The following SLC24A3 variants were observed in gnomAD, a reference collection of about 807,000 sequenced individuals.
The protein encoded by SLC24A3 is sodium/potassium/calcium exchanger 3.
A neutral mutation model predicts 75.8 loss-of-function variants in SLC24A3; 28 were observed. That is an observed-to-expected ratio of 0.37 (90% CI 0.27 to 0.51). The LOEUF is 0.51. Among genes scored for constraint, SLC24A3 ranks in the 20% least tolerant of loss-of-function variants. The probability of loss-of-function intolerance (pLI) is 0.94; values close to 1 mark genes in which losing one functional copy is unlikely to be tolerated. For missense variants in SLC24A3, 663 were observed against 847.8 expected, an observed-to-expected ratio of 0.78 and a Z score of 2.71; for synonymous variants, 372 against 334.1, an observed-to-expected ratio of 1.11 and a Z score of -1.24.
chr20:19,286,777 A>G (rs1006268212), intron 2 of SLC24A3, among the ~76,000 whole-genome samples: 1 of 152,240 alleles, frequency 6.6e-6, no homozygotes, highest in African/African-American at 2.4e-5. Context: ...AGGTGAAATT[A>G]ATTTTAATAA....
At chr20:19,719,831 G>A (rs534612634) in intron 16 of SLC24A3, among the ~76,000 whole-genome samples, 1 of 152,292 alleles carries the variant, frequency 6.6e-6, no homozygotes, top group East Asian at 1.9e-4. Context: ...AGAGAGGCCA[G>A]GGAATCAGGG....
At chr20:19,453,117 T>A (rs1257340015) in intron 2 of SLC24A3, among the ~76,000 whole-genome samples, 1 of 151,838 alleles carries the variant, frequency 6.6e-6, no homozygotes, top group East Asian at 1.9e-4. Context: ...GAGGCAGAGG[T>A]TGCAGTGACC....
chr20:19,458,108 A>G (rs542200042), intron 2 of SLC24A3, among the ~76,000 whole-genome samples: 1 of 152,226 alleles, frequency 6.6e-6, no homozygotes, highest in Non-Finnish European at 1.5e-5. Flanking sequence ...GTAAGTTGGA[A>G]GTTCTGCTTG....
At chr20:19,313,028 CTTTTTTTTTTTTT>C (rs747623530) in intron 2 of SLC24A3, among the ~76,000 whole-genome samples, 4 of 68,322 alleles carry the variant, frequency 5.9e-5, no homozygotes, top group African/African-American at 2.3e-4. Flanking sequence ...TTTTCTCTTG[CTTTTTTTTTTTTT>C]TTTTTTTTTT....
intron 2 of SLC24A3, among the ~76,000 whole-genome samples, chr20:19,398,133 A>G (rs1241951577): frequency 6.6e-6 from 1 of 151,944 alleles, no homozygotes; most frequent in Admixed American, 6.6e-5. Context: ...TTGACTTATG[A>G]TTTTACTTGT....
intron 2 of SLC24A3, among the ~76,000 whole-genome samples, chr20:19,430,682 A>G (rs1987085704): frequency 6.6e-6 from 1 of 152,064 alleles, no homozygotes; most frequent in Admixed American, 6.5e-5. Flanking sequence ...ACACACATAC[A>G]CATTTGTATA....
At chr20:19,513,094 A>G (rs754217077) in intron 2 of SLC24A3, among the ~76,000 whole-genome samples, 3 of 152,124 alleles carry the variant, frequency 2.0e-5, no homozygotes, top group Non-Finnish European at 4.4e-5. Context: ...TGTGGCAGCT[A>G]CACTGAAAAA....
chr20:19,297,149 C>T (rs1600417013), intron 2 of SLC24A3, among the ~76,000 whole-genome samples: 2 of 152,346 alleles, frequency 1.3e-5, no homozygotes, highest in Admixed American at 1.3e-4. Context: ...AACCCTGTGG[C>T]CATCCATCAA....
chr20:19,309,511 C>A (rs760814781), intron 2 of SLC24A3, among the ~76,000 whole-genome samples: 1 of 152,122 alleles, frequency 6.6e-6, no homozygotes, highest in Non-Finnish European at 1.5e-5. Context: ...ACCTACCAGA[C>A]CTATGGAATC....
At chr20:19,611,955 C>A (rs1372916774) in intron 6 of SLC24A3, among the ~76,000 whole-genome samples, 2 of 152,184 alleles carry the variant, frequency 1.3e-5, no homozygotes, top group Non-Finnish European at 2.9e-5. Context: ...ACCTCCCCTG[C>A]CTGCCCACCT....
At chr20:19,229,840 C>G (rs78728298) in intron 1 of SLC24A3, among the ~76,000 whole-genome samples, 4 of 152,032 alleles carry the variant, frequency 2.6e-5, no homozygotes, top group African/African-American at 9.7e-5. Context: ...ATTTTCAGCA[C>G]TATTGGGTCT....
At chr20:19,553,214 T>TAG (rs2030730312) in intron 3 of SLC24A3, among the ~76,000 whole-genome samples, 1 of 152,060 alleles carries the variant, frequency 6.6e-6, no homozygotes, top group African/African-American at 2.4e-5. Context: ...TGCACACCTC[T>TAG]GTGTGCACAT....
intron 3 of SLC24A3, among the ~76,000 whole-genome samples, chr20:19,550,859 G>C (rs577644567): frequency 1.3e-5 from 2 of 152,240 alleles, no homozygotes; most frequent in South Asian, 4.1e-4. Context: ...AAGCCAGGCA[G>C]TAATGAAGAG....
intron 2 of SLC24A3, among the ~76,000 whole-genome samples, chr20:19,442,631 A>T (rs1987314916): frequency 6.6e-6 from 1 of 152,142 alleles, no homozygotes; most frequent in Non-Finnish European, 1.5e-5. Flanking sequence ...CTGTTTTGCA[A>T]ATATATTCAC....
chr20:19,598,576 C>T (rs1014281897), intron 6 of SLC24A3, among the ~76,000 whole-genome samples: 14 of 152,024 alleles, frequency 9.2e-5, no homozygotes, highest in African/African-American at 3.4e-4. Context: ...ACACTGGCCT[C>T]AGTGTGCTTT....
chr20:19,360,019 A>T (rs879838302), intron 2 of SLC24A3, among the ~76,000 whole-genome samples: 3 of 152,158 alleles, frequency 2.0e-5, no homozygotes, highest in Admixed American at 6.5e-5. Flanking sequence ...AAGTCTTAGC[A>T]CACTCCTAGG....
intron 15 of SLC24A3, among the ~76,000 whole-genome samples, chr20:19,711,587 C>A (rs113163392): frequency 1.3e-5 from 2 of 152,230 alleles, no homozygotes; most frequent in Non-Finnish European, 2.9e-5. Context: ...TGCTCACATG[C>A]AAACACATGC....
At chr20:19,613,378 C>G (rs1323419523) in intron 6 of SLC24A3, among the ~76,000 whole-genome samples, 1 of 152,136 alleles carries the variant, frequency 6.6e-6, no homozygotes, top group Non-Finnish European at 1.5e-5. Context: ...GTGCCTATCC[C>G]CAATGGCTTA....
intron 2 of SLC24A3, among the ~76,000 whole-genome samples, chr20:19,405,176 A>G (rs894499655): frequency 2.0e-5 from 3 of 151,994 alleles, no homozygotes; most frequent in East Asian, 1.9e-4. Flanking sequence ...GCATTTTTCC[A>G]TAGTCCCTAG....
Sources: gnomAD v4.1 joint callset for allele counts (sites outside exome capture counted in the v4.1 genomes callset) on GRCh38, gnomAD v4.1.1 for gene constraint, MANE v1.5 for transcripts, NCBI Gene and HGNC (gene_info 2026-07-23, HGNC 2026-07-21) for gene names.